The following PPARGC1A variants were observed in gnomAD, a reference collection of about 807,000 sequenced individuals.
PPARGC1A encodes peroxisome proliferator-activated receptor gamma coactivator 1-alpha.
In PPARGC1A, 25 loss-of-function variants were observed where a neutral mutation model predicts 88.7. The observed-to-expected ratio is 0.28, with a 90% confidence interval of 0.21 to 0.39. The LOEUF is 0.39. PPARGC1A is among the 10% of genes least tolerant of loss of function. The pLI is 1.00. For synonymous variants in PPARGC1A, 363 were observed against 355.6 expected (o/e 1.02, Z -0.24); for missense variants, 880 against 968.7 (o/e 0.91, Z 1.22).
chr4:24,062,958 C>G, the PPARGC1A span, among the ~76,000 whole-genome samples: 5 of 152,142 alleles, frequency 3.3e-5, no homozygotes, highest in African/African-American at 1.2e-4. Context: ...AAAGAAAATA[C>G]GCCAACACTT....
the PPARGC1A span, among the ~76,000 whole-genome samples, chr4:23,968,817 A>C: frequency 6.6e-6 from 1 of 152,108 alleles, no homozygotes; most frequent in Non-Finnish European, 1.5e-5. Flanking sequence ...AAGGAGGCTG[A>C]GGCAGAATTG....
At chr4:23,822,339 T>C (rs1234327923) in intron 7 of PPARGC1A, among the ~76,000 whole-genome samples, 1 of 152,068 alleles carries the variant, frequency 6.6e-6, no homozygotes, top group African/African-American at 2.4e-5. Context: ...TTGTTTGTTT[T>C]CCCTGAAGGC....
the PPARGC1A span, among the ~76,000 whole-genome samples, chr4:24,381,948 A>C: frequency 1.3e-5 from 2 of 152,244 alleles, no homozygotes; most frequent in Non-Finnish European, 2.9e-5. Flanking sequence ...ACTTCAATCC[A>C]TATTGAGATA....
At position 23,801,983 on chromosome 4, in the gene PPARGC1A, G is replaced by A. The variant is rs188982272; in HGVS notation, c.2142-102C>T. On this transcript the variant is annotated intron_variant, in intron 11 of 12. Transcript: ENST00000264867. ...AGACTTCTCCAGTGCCAACGTCTGA[G>A]CCACTGAATCCATTTATCAGTGTGA... The A allele has an allele frequency of 6.3e-6, 9 of 1,419,552 alleles. No individual in the cohort carries two copies. In the African/African-American group the frequency reaches 7.2e-5, roughly 11 times the overall value. The allele number at this position is 1,419,552 out of a possible 1,614,324, so 87.9% of individuals were successfully genotyped here.
chr4:23,915,774 T>C, the PPARGC1A span, among the ~76,000 whole-genome samples: 1 of 152,188 alleles, frequency 6.6e-6, no homozygotes, highest in Non-Finnish European at 1.5e-5. Flanking sequence ...TATGAGGCTA[T>C]GTTGAGGGGG....
the PPARGC1A span, among the ~76,000 whole-genome samples, chr4:24,382,124 A>G: frequency 6.6e-6 from 1 of 151,694 alleles, no homozygotes; most frequent in Non-Finnish European, 1.5e-5. Context: ...TCAGTCGGAC[A>G]TTATAAGAAC....
the PPARGC1A span, among the ~76,000 whole-genome samples, chr4:24,252,020 C>G: frequency 6.6e-6 from 1 of 152,050 alleles, no homozygotes; most frequent in South Asian, 2.1e-4. Flanking sequence ...TACTTTATTA[C>G]TATTGTCTGT....
At chr4:24,111,955 A>G in the PPARGC1A span, among the ~76,000 whole-genome samples, 1 of 152,234 alleles carries the variant, frequency 6.6e-6, no homozygotes, top group Non-Finnish European at 1.5e-5. Context: ...ACACATTATT[A>G]AGAGAACTAT....
chr4:23,890,588 A>C (rs1264473458), upstream of PPARGC1A, among the ~76,000 whole-genome samples: 2 of 144,608 alleles, frequency 1.4e-5, no homozygotes, highest in Admixed American at 1.4e-4. Context: ...GAGTGTTTGA[A>C]AGCGCAAACG....
upstream of PPARGC1A, among the ~76,000 whole-genome samples, chr4:23,890,770 A>G (rs1717744460): frequency 6.6e-6 from 1 of 152,072 alleles, no homozygotes; most frequent in Admixed American, 6.6e-5. Flanking sequence ...TAAGGAGAAC[A>G]AGCCACAAAA....
At chr4:23,869,106 T>C (rs1249123264) in intron 2 of PPARGC1A, among the ~76,000 whole-genome samples, 1 of 152,240 alleles carries the variant, frequency 6.6e-6, no homozygotes, top group South Asian at 2.1e-4. Flanking sequence ...ACTGGCACCA[T>C]TAATCTAGTC....
At chr4:24,045,311 C>T in the PPARGC1A span, among the ~76,000 whole-genome samples, 1 of 152,138 alleles carries the variant, frequency 6.6e-6, no homozygotes, top group Non-Finnish European at 1.5e-5. Context: ...AGCAAAGATA[C>T]ACCACCCTAT....
the PPARGC1A span, among the ~76,000 whole-genome samples, chr4:24,451,239 T>G: frequency 2.0e-5 from 3 of 152,240 alleles, no homozygotes; most frequent in African/African-American, 7.2e-5. Context: ...TTGACTGGAA[T>G]TAAGTTCACC....
At chr4:24,006,532 C>A in the PPARGC1A span, among the ~76,000 whole-genome samples, 30 of 152,306 alleles carry the variant, frequency 2.0e-4, no homozygotes, top group South Asian at 4.8e-3. Context: ...GAGTAGCATG[C>A]TGCTGAAATA....
the PPARGC1A span, among the ~76,000 whole-genome samples, chr4:23,933,922 T>A: frequency 6.6e-6 from 1 of 152,226 alleles, no homozygotes; most frequent in Non-Finnish European, 1.5e-5. Context: ...ATGTGTCCTG[T>A]GTGTCTCCCA....
chr4:24,065,832 T>C, the PPARGC1A span, among the ~76,000 whole-genome samples: 1 of 152,186 alleles, frequency 6.6e-6, no homozygotes, highest in Non-Finnish European at 1.5e-5. Flanking sequence ...CAGCCCTACC[T>C]GTTCATTCAT....
Position 23,831,504 on chromosome 4 carries a change from C to A in PPARGC1A, c.429+53G>T, listed in dbSNP as rs1560398151. The A allele has an allele frequency of 4.7e-6, 7 of 1,481,728 alleles. No homozygotes were observed. In the East Asian group the frequency reaches 1.1e-4, roughly 24 times the overall value. 91.8% of individuals were successfully genotyped at this position (1,481,728 alleles called of 1,614,324 possible). ...TTGTGACTACATCATACCCATGCAG[C>A]GGGTAGCCAGAGGCAACTCCAATTC... On this transcript the variant is annotated intron_variant, in intron 3 of 12. Transcript: ENST00000264867.
chr4:24,043,199 A>G, the PPARGC1A span, among the ~76,000 whole-genome samples: 1 of 152,176 alleles, frequency 6.6e-6, no homozygotes, highest in Non-Finnish European at 1.5e-5. Context: ...AGAAGCCCAA[A>G]GAAGGGTTCC....
At chr4:24,137,572 C>G in the PPARGC1A span, among the ~76,000 whole-genome samples, 1 of 152,130 alleles carries the variant, frequency 6.6e-6, no homozygotes, top group Non-Finnish European at 1.5e-5. Flanking sequence ...AAACAGGATA[C>G]AGTAAGTGAG....
Sources: allele counts gnomAD v4.1 joint callset (sites outside exome capture counted in the v4.1 genomes callset), GRCh38; gene constraint gnomAD v4.1.1; transcripts MANE v1.5; gene names NCBI Gene and HGNC (gene_info 2026-07-23, HGNC 2026-07-21).